MEI4: variants seen among roughly 807,000 people sequenced by gnomAD.
The protein encoded by MEI4 is meiosis-specific protein MEI4.
Under a neutral mutation model 31.4 loss-of-function variants are expected in MEI4, and 27 were observed. That is an observed-to-expected ratio of 0.86 (90% CI 0.63 to 1.19). MEI4 has a LOEUF of 1.19. Ranked by LOEUF, MEI4 falls within the 50% of genes most tolerant of loss-of-function variation. MEI4 has a pLI of 0.00. For missense variants in MEI4, 329 were observed against 398.9 expected (o/e 0.82, Z 1.49); for synonymous variants, 122 against 145.4 (o/e 0.84, Z 1.16).
chr6:77,809,648 G>C (rs1406308861), intron 3 of MEI4, among the ~76,000 whole-genome samples: 1 of 152,146 alleles, frequency 6.6e-6, no homozygotes, highest in Non-Finnish European at 1.5e-5. Context: ...ACAGAGTCTG[G>C]TGGAAAATAG....
intron 2 of MEI4, among the ~76,000 whole-genome samples, chr6:77,728,130 C>G (rs1428534881): frequency 1.5e-5 from 2 of 137,532 alleles, no homozygotes; most frequent in Non-Finnish European, 3.3e-5. Flanking sequence ...AGTAAACATT[C>G]AATTTAGATA....
At chr6:77,846,278 C>A (rs1770484356) in intron 4 of MEI4, among the ~76,000 whole-genome samples, 1 of 152,116 alleles carries the variant, frequency 6.6e-6, no homozygotes, top group Non-Finnish European at 1.5e-5. Context: ...ATTCTGTCCT[C>A]AGTTCATCAC....
chr6:77,780,052 G>A (rs899716097), intron 3 of MEI4, among the ~76,000 whole-genome samples: 2 of 152,140 alleles, frequency 1.3e-5, no homozygotes, highest in Non-Finnish European at 1.5e-5. Flanking sequence ...AGTATTTCAA[G>A]GATCATTGCA....
At chr6:77,878,708 A>G (rs991660444) in intron 4 of MEI4, among the ~76,000 whole-genome samples, 3 of 152,044 alleles carry the variant, frequency 2.0e-5, no homozygotes, top group African/African-American at 7.2e-5. Context: ...GCTCAAGTGA[A>G]TTTTATTTAT....
intron 3 of MEI4, among the ~76,000 whole-genome samples, chr6:77,827,693 C>G (rs1357305527): frequency 2.0e-5 from 3 of 152,106 alleles, no homozygotes; most frequent in African/African-American, 7.2e-5. Context: ...CCACAGTAGC[C>G]TCACATATAA....
chr6:77,910,628 C>A (rs1014352269), intron 4 of MEI4, among the ~76,000 whole-genome samples: 1 of 152,074 alleles, frequency 6.6e-6, no homozygotes, highest in Non-Finnish European at 1.5e-5. Context: ...GGCCATACAG[C>A]CCAAAGTAAT....
chr6:77,753,449 C>G (rs1052432858), intron 2 of MEI4, among the ~76,000 whole-genome samples: 4 of 152,102 alleles, frequency 2.6e-5, no homozygotes, highest in African/African-American at 7.2e-5. Flanking sequence ...AGGATTTCAA[C>G]AGACACTTCT....
At chr6:77,852,021 T>A (rs905013102) in intron 4 of MEI4, among the ~76,000 whole-genome samples, 6 of 152,196 alleles carry the variant, frequency 3.9e-5, no homozygotes, top group African/African-American at 1.4e-4. Flanking sequence ...CAAAGTTTTA[T>A]TCTTGTAATT....
chr6:77,862,589 G>C (rs1220999207), intron 4 of MEI4, among the ~76,000 whole-genome samples: 1 of 152,176 alleles, frequency 6.6e-6, no homozygotes, highest in Non-Finnish European at 1.5e-5. Context: ...AGCTCTAACT[G>C]GGGGGAGCCC....
intron 2 of MEI4, among the ~76,000 whole-genome samples, chr6:77,716,628 G>C (rs535804107): frequency 2.5e-4 from 38 of 152,250 alleles, no homozygotes; most frequent in African/African-American, 9.1e-4. Context: ...GTATCAGTCG[G>C]GATGGTGAAC....
At chr6:77,812,481 C>G (rs1417709766) in intron 3 of MEI4, among the ~76,000 whole-genome samples, 1 of 152,036 alleles carries the variant, frequency 6.6e-6, no homozygotes, top group Non-Finnish European at 1.5e-5. Flanking sequence ...GAAAGATAGA[C>G]TAAACTATAT....
At position 77,906,226 on chromosome 6, in the gene MEI4, T is replaced by A. The variant is rs58656105; in HGVS notation, c.901-16863T>A. ...TAAATTATCGTGGTCTTTGTGGTGA[T>A]ATGCCTCTTTGGTTTTTAATGTTTC... On this transcript the variant is annotated intron_variant, in intron 4 of 4. Transcript: ENST00000684080. Among the ~76,000 whole-genome samples, 44 of 152,324 alleles carry A rather than the reference T, an allele frequency of 2.9e-4. No homozygotes were observed. The East Asian group carries it at 7.7e-3, about 27-fold the overall frequency.
At chr6:77,785,027 A>G (rs1189782712) in intron 3 of MEI4, among the ~76,000 whole-genome samples, 1 of 152,096 alleles carries the variant, frequency 6.6e-6, no homozygotes, top group African/African-American at 2.4e-5. Context: ...CCTTTATGAC[A>G]TAATATGCTG....
chr6:77,652,112 A>G (rs1476660322), upstream of MEI4, among the ~76,000 whole-genome samples: 1 of 152,198 alleles, frequency 6.6e-6, no homozygotes, highest in Admixed American at 6.5e-5. Flanking sequence ...AGCTAGCTAA[A>G]TTAGGCTAGG....
intron 4 of MEI4, among the ~76,000 whole-genome samples, chr6:77,884,693 A>G (rs1771578601): frequency 1.3e-5 from 2 of 152,036 alleles, no homozygotes; most frequent in African/African-American, 4.8e-5. Flanking sequence ...TAGATTCTCT[A>G]TTCTTTTACT....
chr6:77,808,331 A>G (rs1003394496), intron 3 of MEI4, among the ~76,000 whole-genome samples: 1 of 152,208 alleles, frequency 6.6e-6, no homozygotes, highest in African/African-American at 2.4e-5. Flanking sequence ...TGGCAAATTG[A>G]TTAAGGGCAG....
chr6:77,705,051 C>A lies in MEI4; in HGVS notation c.232+14148C>A, dbSNP rs972333326. The stretch of plus-strand genomic sequence containing the variant: ...CAACAACAATAAAAATAATAGTGCT[C>A]CAATGACCCTAGCAACTATGTTTGA... On this transcript the variant is annotated intron_variant, in intron 2 of 4. Transcript: ENST00000684080. Among the ~76,000 whole-genome samples, 4 of 152,096 alleles carry A rather than the reference C, an allele frequency of 2.6e-5. 1 individual carries two copies. Among genetic ancestry groups the A allele is most frequent in the Non-Finnish European group, 5.9e-5 (4 of 68,018 alleles).
chr6:77,770,918 A>T (rs1410227221), intron 3 of MEI4, among the ~76,000 whole-genome samples: 3 of 152,180 alleles, frequency 2.0e-5, no homozygotes, highest in African/African-American at 7.2e-5. Flanking sequence ...CAATTGCAGC[A>T]AAAGAAAAAA....
intron 3 of MEI4, among the ~76,000 whole-genome samples, chr6:77,777,459 T>C (rs1034820884): frequency 6.6e-6 from 1 of 152,082 alleles, no homozygotes; most frequent in Non-Finnish European, 1.5e-5. Flanking sequence ...GAAAGGGGAA[T>C]TGTCCTCCCA....
Sources: allele counts gnomAD v4.1 joint callset (sites outside exome capture counted in the v4.1 genomes callset), GRCh38; gene constraint gnomAD v4.1.1; transcripts MANE v1.5; gene names NCBI Gene and HGNC (gene_info 2026-07-23, HGNC 2026-07-21).